The following DPP10 variants were observed in gnomAD, a reference collection of about 807,000 sequenced individuals.
The protein encoded by DPP10 is inactive dipeptidyl peptidase 10.
Under a neutral mutation model 120.9 loss-of-function variants are expected in DPP10, and 33 were observed. The observed-to-expected ratio is 0.27, with a 90% confidence interval of 0.21 to 0.37. The LOEUF is 0.37. Among genes scored for constraint, DPP10 ranks in the 10% least tolerant of loss-of-function variants. The pLI is 1.00. For missense variants in DPP10, 816 were observed against 942.8 expected, an observed-to-expected ratio of 0.87 and a Z score of 1.76; for synonymous variants, 337 against 326.1, an observed-to-expected ratio of 1.03 and a Z score of -0.36.
At position 115,559,967 on chromosome 2, in the gene DPP10, T is replaced by A. The variant is rs536823436; in HGVS notation, c.441+33995T>A. 2.3e-4 allele frequency among the ~76,000 whole-genome samples: 35 copies of A among 152,218 alleles called. No homozygotes were observed. In the South Asian group the frequency reaches 6.4e-3, roughly 28 times the overall value. The stretch of plus-strand genomic sequence containing the variant: ...CTGATTTTACTCTAACTGTGGGTAC[T>A]TACATATGAATCTACAGAGAAAAGT... On this transcript the variant is annotated intron_variant, in intron 5 of 25. Coordinates refer to ENST00000410059, the MANE Select transcript of DPP10 (RefSeq NM_020868.6).
chr2:115,840,813 A>G lies in DPP10; in HGVS notation c.2246A>G (p.Tyr749Cys). The G allele has an allele frequency of 1.2e-6, 2 of 1,612,916 alleles. No individual in the cohort carries two copies. The highest frequency in any genetic ancestry group is 1.7e-6 in the Non-Finnish European group (2 of 1,179,446). ...CACCTAATAAAAGCTGGAGTGAATTATACTATGCAGGTAAGCTACTTTCTT... is the reference window on the plus strand; with the variant it reads ...CACCTAATAAAAGCTGGAGTGAATTGTACTATGCAGGTAAGCTACTTTCTT... Reference protein sequence around the residue: ...IKHLIKAGVNYTMQVYPDEGH... With the variant: ...IKHLIKAGVNCTMQVYPDEGH... The change falls in exon 25 of 26, where the codon TAT becomes TGT. Residue 749 changes from tyrosine to cysteine, a missense_variant. Around this residue, in one of 3 missense-constraint regions of DPP10, gnomAD observed 592 missense variants for 649.0 expected, o/e 0.91. Coordinates refer to ENST00000410059, the MANE Select transcript of DPP10 (RefSeq NM_020868.6).
intron 1 of DPP10, among the ~76,000 whole-genome samples, chr2:115,079,982 G>A (rs1708134501): frequency 6.6e-6 from 1 of 152,154 alleles, no homozygotes; most frequent in Non-Finnish European, 1.5e-5. Flanking sequence ...ATAGAAGGAA[G>A]GGTCAGAGGC....
At chr2:114,597,930 C>G (rs573972264) in intron 1 of DPP10, among the ~76,000 whole-genome samples, 83 of 151,980 alleles carry the variant, frequency 5.5e-4, no homozygotes, top group Non-Finnish European at 1.0e-3. Flanking sequence ...TCTTTGTATG[C>G]AGTACAATAA....
chr2:115,555,720 C>A (rs1331244038), intron 5 of DPP10, among the ~76,000 whole-genome samples: 1 of 152,102 alleles, frequency 6.6e-6, no homozygotes, highest in African/African-American at 2.4e-5. Context: ...TTGGTCCCTT[C>A]ATATGATTAT....
At chr2:115,634,836 C>T (rs772339516) in intron 5 of DPP10, among the ~76,000 whole-genome samples, 10 of 152,160 alleles carry the variant, frequency 6.6e-5, no homozygotes, top group East Asian at 5.8e-4. Flanking sequence ...TACTGATTTG[C>T]GAAGACTGCG....
At chr2:114,603,006 G>A (rs192948981) in intron 1 of DPP10, among the ~76,000 whole-genome samples, 28 of 152,060 alleles carry the variant, frequency 1.8e-4, no homozygotes, top group African/African-American at 2.7e-4. Flanking sequence ...TAAACATGGC[G>A]GAAAAAATGT....
chr2:114,521,341 T>C (rs980903791), intron 1 of DPP10, among the ~76,000 whole-genome samples: 2 of 146,008 alleles, frequency 1.4e-5, no homozygotes, highest in Non-Finnish European at 3.0e-5. Context: ...AATGTAAAAA[T>C]AAAGTCATCA....
At chr2:115,248,425 G>A (rs1267634427) in intron 1 of DPP10, among the ~76,000 whole-genome samples, 1 of 151,682 alleles carries the variant, frequency 6.6e-6, no homozygotes, top group African/African-American at 2.4e-5. Context: ...TTTTTAAGGG[G>A]CCTCTCTGAC....
At chr2:114,461,399 C>A (rs1389728743) in intron 1 of DPP10, among the ~76,000 whole-genome samples, 1 of 152,202 alleles carries the variant, frequency 6.6e-6, no homozygotes, top group Non-Finnish European at 1.5e-5. Flanking sequence ...AAATTCTTTC[C>A]TGATCCCATT....
chr2:115,305,135 C>G (rs2061309308), intron 1 of DPP10, among the ~76,000 whole-genome samples: 1 of 151,904 alleles, frequency 6.6e-6, no homozygotes. Context: ...ATGTTTGCCC[C>G]TAAGTTTCTA....
chr2:114,735,406 A>T (rs13392377), intron 1 of DPP10, among the ~76,000 whole-genome samples: 20,293 of 152,166 alleles, frequency 0.13, 1,783 homozygotes, highest in African/African-American at 0.25. Context: ...TTCCCTAAAA[A>T]AAGCAAGAGT....
chr2:115,079,065 A>G (rs139430349), intron 1 of DPP10, among the ~76,000 whole-genome samples: 7 of 152,180 alleles, frequency 4.6e-5, no homozygotes, highest in African/African-American at 1.4e-4. Context: ...TGCCCACTCT[A>G]CACCGTGCTG....
In DPP10 at chr2:115,671,565, A is replaced by C. The variant is rs369533393; in HGVS notation, c.442-18122A>C. On this transcript the variant is annotated intron_variant, in intron 5 of 25. Transcript: ENST00000410059. Reference sequence around the variant, plus strand: ...CAATATTTTAGATATGTTACATTAAATAAAATATATTATTAAAATAAATTA... The same window carrying C: ...CAATATTTTAGATATGTTACATTAACTAAAATATATTATTAAAATAAATTA... Among the ~76,000 whole-genome samples, 37 of 152,114 alleles carry C rather than the reference A, an allele frequency of 2.4e-4. 2 individuals carry two copies. Among genetic ancestry groups the C allele is most frequent in the East Asian group, 1.9e-3 (10 of 5,192 alleles).
chr2:115,279,652 CTTCT>C (rs2060070131), intron 1 of DPP10, among the ~76,000 whole-genome samples: 1 of 35,252 alleles, frequency 2.8e-5, no homozygotes, highest in African/African-American at 1.0e-4. Flanking sequence ...TTTTTTTCTT[CTTCT>C]TTTTTTTTTT....
rs377383716 is a variant in DPP10 at position 114,693,241 on chromosome 2, ATTCT to A, written c.60+250407_60+250410del. 8.6e-3 allele frequency among the ~76,000 whole-genome samples: 1,306 copies of A among 151,696 alleles called. 13 individuals are homozygous for A. Among genetic ancestry groups the A allele is most frequent in the African/African-American group, 0.03 (1,255 of 41,420 alleles). On this transcript the variant is annotated intron_variant, in intron 1 of 25. Coordinates refer to ENST00000410059, the MANE Select transcript of DPP10 (RefSeq NM_020868.6). ...CAATTTTTTCTTTCAATTTTCAGTG[ATTCT>A]TTCAGGAGCTCTTACAAGGCAGTCC...
At chr2:114,472,971 G>A (rs1034638549) in intron 1 of DPP10, among the ~76,000 whole-genome samples, 2 of 152,166 alleles carry the variant, frequency 1.3e-5, no homozygotes, top group African/African-American at 4.8e-5. Context: ...AACTTAGAGT[G>A]CCTCATCACT....
chr2:115,817,145 A>G (rs141342743), intron 21 of DPP10, among the ~76,000 whole-genome samples: 1,955 of 151,754 alleles, frequency 0.013, 45 homozygotes, highest in African/African-American at 0.042. Context: ...CTACTCGGGA[A>G]GCTGAGGCAG....
chr2:115,505,459 C>T (rs2076891881), intron 4 of DPP10, among the ~76,000 whole-genome samples: 1 of 151,978 alleles, frequency 6.6e-6, no homozygotes, highest in Non-Finnish European at 1.5e-5. Flanking sequence ...CTCTTTGGAG[C>T]TGGAGGTGTC....
chr2:115,738,317 G>C (rs1354822572), intron 8 of DPP10, among the ~76,000 whole-genome samples: 3 of 152,152 alleles, frequency 2.0e-5, no homozygotes, highest in Non-Finnish European at 4.4e-5. Flanking sequence ...GGGCATTCCT[G>C]ATTTCACAAT....
Sources: gnomAD v4.1 joint callset for allele counts (sites outside exome capture counted in the v4.1 genomes callset) on GRCh38, gnomAD v4.1.1 for gene constraint, gnomAD v4.1.1 regional missense constraint, MANE v1.5 for transcripts, NCBI Gene and HGNC (gene_info 2026-07-23, HGNC 2026-07-21) for gene names.